IMMP2L: variants seen among roughly 807,000 people sequenced by gnomAD.
IMMP2L encodes the protein mitochondrial inner membrane protease subunit 2.
A neutral mutation model predicts 19.3 loss-of-function variants in IMMP2L; 18 were observed. The ratio of observed to expected loss-of-function variants is 0.93; its 90% confidence interval spans 0.64 to 1.38. IMMP2L has a LOEUF of 1.38. Among genes scored for constraint, IMMP2L ranks in the 40% most tolerant of loss-of-function variants. The probability of loss-of-function intolerance (pLI) is 0.00; values close to 1 mark genes in which losing one functional copy is unlikely to be tolerated. For synonymous variants in IMMP2L, 76 were observed against 73.0 expected, an observed-to-expected ratio of 1.04 and a Z score of -0.21; for missense variants, 233 against 218.2, an observed-to-expected ratio of 1.07 and a Z score of -0.43.
intron 3 of IMMP2L, among the ~76,000 whole-genome samples, chr7:111,294,046 T>C (rs559448146): frequency 1.3e-4 from 20 of 151,960 alleles, no homozygotes; most frequent in Non-Finnish European, 2.7e-4. Flanking sequence ...ACCACTGCTA[T>C]ATTAGAAGCA....
chr7:111,400,366 T>G (rs763050957), intron 3 of IMMP2L, among the ~76,000 whole-genome samples: 16 of 152,164 alleles, frequency 1.1e-4, no homozygotes, highest in Non-Finnish European at 1.5e-5. Context: ...CAGTAATTTC[T>G]TAGCACAAAG....
intron 3 of IMMP2L, among the ~76,000 whole-genome samples, chr7:111,472,938 G>C (rs1841395433): frequency 1.4e-5 from 2 of 145,642 alleles, no homozygotes; most frequent in Non-Finnish European, 3.0e-5. Context: ...TCTACTAAAA[G>C]AAAAAAAAGA....
intron 4 of IMMP2L, among the ~76,000 whole-genome samples, chr7:110,901,341 A>C (rs1006008898): frequency 1.1e-4 from 16 of 152,188 alleles, no homozygotes; most frequent in African/African-American, 3.9e-4. Context: ...TCATTGAATG[A>C]GTATGGATTC....
At chr7:110,811,922 G>C (rs933522601) in intron 5 of IMMP2L, among the ~76,000 whole-genome samples, 12 of 152,114 alleles carry the variant, frequency 7.9e-5, no homozygotes, top group African/African-American at 2.6e-4. Flanking sequence ...CTCAGGGACA[G>C]GCATATGACC....
At chr7:111,112,375 A>G (rs1277537010) in intron 3 of IMMP2L, among the ~76,000 whole-genome samples, 1 of 152,168 alleles carries the variant, frequency 6.6e-6, no homozygotes, top group Non-Finnish European at 1.5e-5. Flanking sequence ...TCTGTCTGTC[A>G]CTTCGTACTT....
At chr7:111,058,145 C>T (rs895828361) in intron 3 of IMMP2L, among the ~76,000 whole-genome samples, 1 of 151,998 alleles carries the variant, frequency 6.6e-6, no homozygotes, top group Non-Finnish European at 1.5e-5. Flanking sequence ...TTTTCTTTTA[C>T]AAACCCATAT....
intron 3 of IMMP2L, among the ~76,000 whole-genome samples, chr7:111,036,956 T>C (rs1245186992): frequency 1.3e-5 from 2 of 152,150 alleles, no homozygotes; most frequent in Non-Finnish European, 2.9e-5. Flanking sequence ...TGATATAATG[T>C]TTTGCAACAG....
intron 3 of IMMP2L, among the ~76,000 whole-genome samples, chr7:111,480,741 GA>G (rs1457696470): frequency 6.6e-6 from 1 of 151,832 alleles, no homozygotes; most frequent in Non-Finnish European, 1.5e-5. Flanking sequence ...TTTGGCCATA[GA>G]TTTTAAAAAT....
At chr7:111,205,936 A>C (rs552745302) in intron 3 of IMMP2L, among the ~76,000 whole-genome samples, 1 of 152,288 alleles carries the variant, frequency 6.6e-6, no homozygotes, top group South Asian at 2.1e-4. Context: ...AACTGGCTGG[A>C]AGCCTTTATG....
chr7:110,930,462 C>A (rs1470512853), intron 4 of IMMP2L, among the ~76,000 whole-genome samples: 1 of 152,086 alleles, frequency 6.6e-6, no homozygotes, highest in Admixed American at 6.6e-5. Flanking sequence ...TTACCAGGTT[C>A]TTACCACACA....
chr7:110,663,547 A>T lies in IMMP2L; in HGVS notation c.*55T>A. On this transcript the variant is annotated 3_prime_UTR_variant, in exon 6 of 6. Coordinates refer to ENST00000405709, the MANE Select transcript of IMMP2L (RefSeq NM_032549.4). ...TCCCTTTTGGAGGCTTCTTTTTTCC[A>T]TTCCTTTCCAGTAACTGGCCTCCCA... 1.3e-6 allele frequency: 2 copies of T among 1,583,276 alleles called. No homozygotes were observed. The highest frequency in any genetic ancestry group is 1.4e-5 in the African/African-American group (1 of 74,002).
chr7:110,969,772 T>C (rs1429975465), intron 3 of IMMP2L, among the ~76,000 whole-genome samples: 1 of 152,072 alleles, frequency 6.6e-6, no homozygotes, highest in African/African-American at 2.4e-5. Context: ...CATTGGCCAT[T>C]CTCTCAGAGC....
chr7:110,749,375 C>A (rs1263522161), intron 5 of IMMP2L, among the ~76,000 whole-genome samples: 1 of 152,068 alleles, frequency 6.6e-6, no homozygotes, highest in Non-Finnish European at 1.5e-5. Flanking sequence ...TACCATTTGA[C>A]CCAGCAATCT....
chr7:111,260,797 A>G (rs186826190), intron 3 of IMMP2L, among the ~76,000 whole-genome samples: 82 of 152,260 alleles, frequency 5.4e-4, no homozygotes, highest in Non-Finnish European at 1.0e-3. Flanking sequence ...TATACTATAA[A>G]TACGTGACAA....
At chr7:110,741,016 T>A (rs1278530869) in intron 5 of IMMP2L, among the ~76,000 whole-genome samples, 1 of 151,900 alleles carries the variant, frequency 6.6e-6, no homozygotes, top group Non-Finnish European at 1.5e-5. Context: ...AGTCATTATA[T>A]GAAAAAGATA....
intron 3 of IMMP2L, among the ~76,000 whole-genome samples, chr7:111,080,507 A>G (rs2129576360): frequency 2.2e-5 from 1 of 44,518 alleles, no homozygotes. Flanking sequence ...TGTATAATAT[A>G]TAATGTGTGT....
intron 5 of IMMP2L, among the ~76,000 whole-genome samples, chr7:110,717,655 A>C (rs1283562096): frequency 6.6e-6 from 1 of 152,252 alleles, no homozygotes; most frequent in Non-Finnish European, 1.5e-5. Context: ...CCAAATGCAA[A>C]GGGAGTTTCA....
intron 5 of IMMP2L, among the ~76,000 whole-genome samples, chr7:110,738,417 A>C (rs1207736550): frequency 6.6e-6 from 1 of 152,230 alleles, no homozygotes; most frequent in Non-Finnish European, 1.5e-5. Context: ...TGCAAAATGC[A>C]CTGGAAAGTC....
At chr7:111,053,752 C>T (rs549677881) in intron 3 of IMMP2L, among the ~76,000 whole-genome samples, 1 of 152,244 alleles carries the variant, frequency 6.6e-6, no homozygotes, top group African/African-American at 2.4e-5. Context: ...AGGTAGGAAA[C>T]TCTATTCAGT....
Sources: allele counts gnomAD v4.1 joint callset (sites outside exome capture counted in the v4.1 genomes callset), GRCh38; gene constraint gnomAD v4.1.1; transcripts MANE v1.5; gene names NCBI Gene and HGNC (gene_info 2026-07-23, HGNC 2026-07-21).